The following PRKG1 variants were observed in gnomAD, a reference collection of about 807,000 sequenced individuals.
PRKG1 encodes protein kinase cGMP-dependent 1, also known as cGMP-dependent protein kinase 1.
In PRKG1, 35 loss-of-function variants were observed where a neutral mutation model predicts 88.1. The observed-to-expected ratio is 0.40, with a 90% CI of 0.30 to 0.53. The LOEUF (loss-of-function observed/expected upper bound fraction) is 0.53. Ranked by LOEUF, PRKG1 falls within the 20% of genes least tolerant of loss-of-function variation. The probability of loss-of-function intolerance (pLI) is 0.59; values close to 1 mark genes in which losing one functional copy is unlikely to be tolerated. For missense variants in PRKG1, 540 were observed against 839.8 expected (o/e 0.64, Z 4.41); for synonymous variants, 303 against 292.5 (o/e 1.04, Z -0.37).
chr10:51,324,571 CAAAAAAAAAA>C (rs34429733), intron 2 of PRKG1, among the ~76,000 whole-genome samples: 1 of 84,450 alleles, frequency 1.2e-5, no homozygotes, highest in Non-Finnish European at 2.6e-5. Flanking sequence ...ACTAAAAATA[CAAAAAAAAAA>C]AAAAAAAAAA....
intron 4 of PRKG1, among the ~76,000 whole-genome samples, chr10:51,819,493 C>T (rs1045127329): frequency 1.3e-5 from 2 of 152,164 alleles, no homozygotes; most frequent in African/African-American, 2.4e-5. Flanking sequence ...GCATACCTCA[C>T]TATTTTGGTC....
intron 2 of PRKG1, among the ~76,000 whole-genome samples, chr10:51,356,752 C>T (rs1842373779): frequency 6.6e-6 from 1 of 152,042 alleles, no homozygotes; most frequent in South Asian, 2.1e-4. Flanking sequence ...TAAATAAATG[C>T]TTTCTTTCCC....
intron 2 of PRKG1, among the ~76,000 whole-genome samples, chr10:51,429,883 C>T (rs1047414952): frequency 2.0e-5 from 3 of 151,344 alleles, no homozygotes; most frequent in Admixed American, 6.6e-5. Flanking sequence ...AGTATACCAT[C>T]GAGCATACCA....
intron 2 of PRKG1, among the ~76,000 whole-genome samples, chr10:51,456,905 G>T (rs570214089): frequency 9.2e-5 from 14 of 152,118 alleles, no homozygotes; most frequent in Non-Finnish European, 1.9e-4. Flanking sequence ...ACTCCTACAA[G>T]AATGGCCACA....
At chr10:51,603,786 T>C (rs1838679453) in intron 3 of PRKG1, among the ~76,000 whole-genome samples, 1 of 152,106 alleles carries the variant, frequency 6.6e-6, no homozygotes, top group Admixed American at 6.5e-5. Flanking sequence ...CCAGGTAAGG[T>C]GATGACATAG....
At chr10:51,611,396 T>C (rs1838902808) in intron 3 of PRKG1, among the ~76,000 whole-genome samples, 1 of 152,174 alleles carries the variant, frequency 6.6e-6, no homozygotes, top group Admixed American at 6.5e-5. Flanking sequence ...CATTTTTTCA[T>C]ATGTCTGTTG....
At chr10:51,745,467 A>G (rs540243678) in intron 3 of PRKG1, among the ~76,000 whole-genome samples, 1 of 152,302 alleles carries the variant, frequency 6.6e-6, no homozygotes, top group East Asian at 1.9e-4. Context: ...GACTGAAATG[A>G]CATTAGTACT....
chr10:51,671,813 C>T (rs1840587797), intron 3 of PRKG1, among the ~76,000 whole-genome samples: 1 of 152,136 alleles, frequency 6.6e-6, no homozygotes, highest in African/African-American at 2.4e-5. Context: ...GTCTTGATCT[C>T]CTGACCTTGT....
At chr10:51,775,045 T>C (rs939876126) in intron 3 of PRKG1, among the ~76,000 whole-genome samples, 4 of 152,208 alleles carry the variant, frequency 2.6e-5, no homozygotes, top group African/African-American at 4.8e-5. Context: ...TATTTCTGTA[T>C]ATAATTTTTA....
intron 3 of PRKG1, among the ~76,000 whole-genome samples, chr10:51,753,467 G>A (rs993586681): frequency 3.3e-5 from 5 of 151,966 alleles, no homozygotes; most frequent in Non-Finnish European, 7.4e-5. Context: ...ACACTCGGTC[G>A]GTACAAATCA....
At chr10:52,248,015 C>T (rs879927580) in intron 9 of PRKG1, among the ~76,000 whole-genome samples, 4 of 152,192 alleles carry the variant, frequency 2.6e-5, no homozygotes, top group Admixed American at 1.3e-4. Context: ...TTATGGGAAA[C>T]GAAGGGATGG....
At chr10:52,249,007 C>G (rs1160595264) in intron 9 of PRKG1, among the ~76,000 whole-genome samples, 7 of 73,544 alleles carry the variant, frequency 9.5e-5, no homozygotes, top group African/African-American at 3.6e-4. Flanking sequence ...CTTCTCCCCC[C>G]GCCTCCTTCC....
At chr10:51,911,651 T>C (rs906305294) in intron 5 of PRKG1, among the ~76,000 whole-genome samples, 1 of 152,200 alleles carries the variant, frequency 6.6e-6, no homozygotes, top group African/African-American at 2.4e-5. Context: ...GTAAATACAG[T>C]ACCCAGTACA....
intron 2 of PRKG1, among the ~76,000 whole-genome samples, chr10:51,214,004 A>G (rs565599068): frequency 6.6e-6 from 1 of 152,332 alleles, no homozygotes; most frequent in East Asian, 1.9e-4. Context: ...AGAAAAAAAC[A>G]TATTTACATA....
chr10:51,165,186 T>C (rs1445916068), intron 2 of PRKG1, among the ~76,000 whole-genome samples: 1 of 152,178 alleles, frequency 6.6e-6, no homozygotes, highest in East Asian at 1.9e-4. Context: ...CCCATCAGAC[T>C]AACAGCAGAA....
intron 5 of PRKG1, among the ~76,000 whole-genome samples, chr10:51,978,258 T>A (rs1041513533): frequency 1.3e-5 from 2 of 152,064 alleles, no homozygotes; most frequent in African/African-American, 2.4e-5. Context: ...TTGTTGAAGA[T>A]GAGATGGTTT....
intron 3 of PRKG1, among the ~76,000 whole-genome samples, chr10:51,754,343 T>A (rs1267504616): frequency 6.6e-6 from 1 of 152,212 alleles, no homozygotes; most frequent in Non-Finnish European, 1.5e-5. Flanking sequence ...AACTCCTCTG[T>A]CATTCAGTGG....
At chr10:51,988,073 C>G (rs1426617902) in intron 5 of PRKG1, among the ~76,000 whole-genome samples, 1 of 151,956 alleles carries the variant, frequency 6.6e-6, no homozygotes, top group East Asian at 1.9e-4. Flanking sequence ...TCTCCTTTTT[C>G]ACAGGTAACC....
intron 2 of PRKG1, among the ~76,000 whole-genome samples, chr10:51,239,616 A>G (rs1839097593): frequency 6.6e-6 from 1 of 152,168 alleles, no homozygotes; most frequent in Non-Finnish European, 1.5e-5. Context: ...TCAACACTAG[A>G]CAGATCTGCA....
Sources: allele counts gnomAD v4.1 joint callset (sites outside exome capture counted in the v4.1 genomes callset), GRCh38; gene constraint gnomAD v4.1.1; transcripts MANE v1.5; gene names NCBI Gene and HGNC (gene_info 2026-07-23, HGNC 2026-07-21).